TEX30: variants seen among roughly 807,000 people sequenced by gnomAD.
TEX30 encodes testis expressed 30, also known as testis-expressed protein 30.
A neutral mutation model predicts 23.8 loss-of-function variants in TEX30; 14 were observed. That is an observed-to-expected ratio of 0.59 (90% confidence interval 0.39 to 0.92). The LOEUF is 0.92. TEX30 is among the 40% of genes least tolerant of loss of function. TEX30 has a pLI of 0.00. For synonymous variants in TEX30, 78 were observed against 90.2 expected (o/e 0.87, Z 0.76); for missense variants, 246 against 270.6 (o/e 0.91, Z 0.64).
chr13:102,770,271 T>C (rs1266717548), intron 1 of TEX30, 185 bp from the exon 2 acceptor site: 4 of 336,900 alleles, frequency 1.2e-5, no homozygotes, highest in Admixed American at 9.6e-5. Flanking sequence ...GCAGGGTTGG[T>C]AGATGTTATA....
intron 4 of TEX30, among the ~76,000 whole-genome samples, chr13:102,767,929 A>G (rs1438480171): frequency 6.6e-6 from 1 of 152,110 alleles, no homozygotes; most frequent in Non-Finnish European, 1.5e-5. Flanking sequence ...AAAGCTAAAA[A>G]TTGATCTTAA....
chr13:102,769,605 CTA>C lies in TEX30; in HGVS notation c.16-66_16-65del, dbSNP rs917167217. 7.9e-5 allele frequency: 76 copies of C among 967,034 alleles called. No individual in the cohort carries two copies. The African/African-American group carries it at 1.1e-3, about 14-fold the overall frequency. 59.9% of individuals were successfully genotyped at this position (967,034 alleles called of 1,614,324 possible). A position where few individuals can be genotyped will look rare whatever the true frequency, so the allele number is the denominator to read the frequency against. On this transcript the variant is annotated intron_variant, in intron 2 of 5. Coordinates refer to ENST00000376032, the MANE Select transcript of TEX30 (RefSeq NM_138779.5). ...CTTGCCTATTAAGACAACTGAACAG[CTA>C]TATATATGTTTGCTCTGTGAGGCTC...
chr13:102,769,611 A>G (rs1595294495), intron 2 of TEX30, 70 bp from the exon 3 acceptor site: 3 of 908,630 alleles, frequency 3.3e-6, no homozygotes, highest in African/African-American at 1.7e-5. Context: ...ACAGCTATAT[A>G]TATGTTTGCT....
intron 1 of TEX30, among the ~76,000 whole-genome samples, chr13:102,773,287 CG>C (rs1877459601): frequency 6.6e-6 from 1 of 152,172 alleles, no homozygotes; most frequent in Non-Finnish European, 1.5e-5. Context: ...GTGCGGGGCT[CG>C]GCGGCGCTCG....
chr13:102,769,194 A>C (rs1440157796), intron 3 of TEX30, 117 bp downstream of exon 3: 2 of 737,478 alleles, frequency 2.7e-6, no homozygotes, highest in East Asian at 3.1e-5. Flanking sequence ...TTTTCTAAGA[A>C]TACACTCATT....
chr13:102,770,169 TA>T, intron 1 of TEX30, 83 bp from the exon 2 acceptor site: 1 of 452,652 alleles, frequency 2.2e-6, no homozygotes. Context: ...ATTCAGTAGC[TA>T]AAATAAACAT....
chr13:102,773,233 C>T (rs917876633), intron 1 of TEX30, among the ~76,000 whole-genome samples: 2 of 152,214 alleles, frequency 1.3e-5, no homozygotes, highest in African/African-American at 4.8e-5. Context: ...GGGTCAACAA[C>T]CCCAGCAAAC....
At chr13:102,766,989 A>T (rs1161656268) in intron 5 of TEX30, among the ~76,000 whole-genome samples, 2 of 152,206 alleles carry the variant, frequency 1.3e-5, no homozygotes, top group Non-Finnish European at 2.9e-5. Context: ...TGAAATGATT[A>T]AAAAAATCTA....
At chr13:102,769,036 G>C (rs1358473522) in intron 3 of TEX30, among the ~76,000 whole-genome samples, 1 of 152,132 alleles carries the variant, frequency 6.6e-6, no homozygotes, top group Non-Finnish European at 1.5e-5. Context: ...AAAATGATGT[G>C]CTAAAGTTAC....
At chr13:102,768,975 G>A (rs1877103512) in intron 3 of TEX30, among the ~76,000 whole-genome samples, 1 of 152,202 alleles carries the variant, frequency 6.6e-6, no homozygotes, top group Non-Finnish European at 1.5e-5. Context: ...ACAGAAAACA[G>A]TATCATATTT....
intron 2 of TEX30, 107 bp from the exon 3 acceptor site, chr13:102,769,648 G>T: frequency 1.5e-6 from 1 of 684,564 alleles, no homozygotes. Flanking sequence ...TCAAGTCATA[G>T]CCTCCAAATA....
intron 4 of TEX30, 61 bp downstream of exon 4, chr13:102,768,199 C>A: frequency 7.5e-7 from 1 of 1,340,942 alleles, no homozygotes. Flanking sequence ...TTTTAATTCT[C>A]CATTACCTAT....
rs1192014727 is a variant in TEX30 at position 102,766,508 on chromosome 13, A to G, written c.577T>C (p.Ser193Pro). Residue 193 changes from serine to proline, a missense_variant, in exon 6 of 6, where the codon TCC becomes CCC. Ser to Pro is a moderately conservative substitution (Grantham distance 74). Transcript: ENST00000376032. ...KIHWIEKANHSMAVKGRSTND... is the reference protein window; with the variant it reads ...KIHWIEKANHPMAVKGRSTND... The stretch of plus-strand genomic sequence containing the variant: ...GTCGACCGTCCTTTCACTGCCATGG[A>G]ATGATTTGCCTTCTCAATCCAGTGG... 4 of 1,614,020 alleles carry G rather than the reference A, an allele frequency of 2.5e-6. No individual in the cohort carries two copies. The highest frequency in any genetic ancestry group is 3.4e-6 in the Non-Finnish European group (4 of 1,179,966).
chr13:102,767,550 AATTGGATCTT>A lies in TEX30; in HGVS notation c.299-82_299-73del, dbSNP rs1453498427. The A allele has an allele frequency of 1.4e-5, 20 of 1,462,732 alleles. No individual in the cohort carries two copies. In the African/African-American group the frequency reaches 2.5e-4, roughly 19 times the overall value. The allele number at this position is 1,462,732 out of a possible 1,614,324, so 90.6% of individuals were successfully genotyped here. A position where few individuals can be genotyped will look rare whatever the true frequency, so the allele number is the denominator to read the frequency against. On this transcript the variant is annotated intron_variant, in intron 4 of 5. Transcript: ENST00000376032. ...ATAAAGTAGCAGTGATGGTGTGGCA[AATTGGATCTT>A]TTACTGTTCATCATATCTGTTTACC...
At chr13:102,769,947 C>T (rs74112410) in intron 2 of TEX30, 65 bp downstream of exon 2, 1 of 1,315,000 alleles carries the variant, frequency 7.6e-7, no homozygotes, top group Non-Finnish European at 9.9e-7. Context: ...TACTCTGAAG[C>T]CACATAATTA....
chr13:102,773,268 C>T (rs1877455667), intron 1 of TEX30, among the ~76,000 whole-genome samples: 1 of 152,202 alleles, frequency 6.6e-6, no homozygotes, highest in Non-Finnish European at 1.5e-5. Flanking sequence ...CAAAGCGGGT[C>T]TCACGGGCGT....
At chr13:102,771,545 G>T (rs1438701919) in intron 1 of TEX30, among the ~76,000 whole-genome samples, 1 of 152,138 alleles carries the variant, frequency 6.6e-6, no homozygotes, top group Non-Finnish European at 1.5e-5. Flanking sequence ...GTGTGTGTGA[G>T]CGTGTAGAAT....
intron 3 of TEX30, 126 bp from the exon 4 acceptor site, chr13:102,768,437 A>C: frequency 1.5e-6 from 1 of 649,212 alleles, no homozygotes; most frequent in Non-Finnish European, 2.5e-6. Context: ...GAAAATCTTA[A>C]GGGATTTTTC....
chr13:102,771,979 T>G lies in TEX30; in HGVS notation c.-61+1703A>C, dbSNP rs1370362386. Reference sequence around the variant, plus strand: ...CAGGGTTTGCTAAGCCATACATGTTTTGGAGCCCGCTATTTGATTGCCAGC... The same window carrying G: ...CAGGGTTTGCTAAGCCATACATGTTGTGGAGCCCGCTATTTGATTGCCAGC... On this transcript the variant is annotated intron_variant, in intron 1 of 5. Transcript: ENST00000376032. 2.6e-5 allele frequency among the ~76,000 whole-genome samples: 4 copies of G among 152,250 alleles called. No homozygotes were observed. The East Asian group carries it at 7.7e-4, about 29-fold the overall frequency.
Sources: gnomAD v4.1 joint callset for allele counts (sites outside exome capture counted in the v4.1 genomes callset) on GRCh38, gnomAD v4.1.1 for gene constraint, MANE v1.5 for transcripts, NCBI Gene and HGNC (gene_info 2026-07-23, HGNC 2026-07-21) for gene names.